Variants in KCNN2 observed in about 807,000 individuals in gnomAD.
KCNN2 encodes small conductance calcium-activated potassium channel protein 2.
Under a neutral mutation model 55.5 loss-of-function variants are expected in KCNN2, and 24 were observed. The observed-to-expected ratio is 0.43, with a 90% CI of 0.31 to 0.61. The LOEUF is 0.61. Ranked by LOEUF, KCNN2 falls within the 20% of genes least tolerant of loss-of-function variation. KCNN2 has a pLI of 0.08. For synonymous variants in KCNN2, 431 were observed against 336.1 expected, an observed-to-expected ratio of 1.28 and a Z score of -3.09; for missense variants, 754 against 853.6, an observed-to-expected ratio of 0.88 and a Z score of 1.45.
In KCNN2 at chr5:114,295,749, C is replaced by T. The variant is rs138997353; in HGVS notation, c.-184-65196C>T. Among the ~76,000 whole-genome samples, 713 of 152,212 alleles carry T rather than the reference C, an allele frequency of 4.7e-3. 9 individuals carry two copies. Among genetic ancestry groups the T allele is most frequent in the African/African-American group, 0.016 (667 of 41,546 alleles). On this transcript the variant is annotated intron_variant, in intron 2 of 10. Coordinates refer to the KCNN2 transcript ENST00000512097. ...CTGGCACTCCCTAGTGAGATGAACC[C>T]GGTACCTTAGATGGAAATGCAGAAA... is the stretch of plus-strand genomic sequence containing the variant.
In KCNN2 at chr5:114,373,640, T is replaced by TTTTATATATATATATATATATATATATA. The variant is rs536849367; in HGVS notation, c.1218+9640_1218+9641insTTATATATATATATATATATATATATAT. 2.8e-4 allele frequency among the ~76,000 whole-genome samples: 16 copies of TTTTATATATATATATATATATATATATA among 56,716 alleles called. 2 individuals are homozygous for TTTTATATATATATATATATATATATATA. Among genetic ancestry groups the TTTTATATATATATATATATATATATATA allele is most frequent in the African/African-American group, 7.9e-4 (15 of 19,012 alleles). The allele number at this position is 56,716 out of a possible 152,430, so 37.2% of individuals were successfully genotyped here. ...CTCTCATGGTGTTGTTATGAAGATTTTATATATATATATATATAAAATTAC... is the reference window on the plus strand; with the variant it reads ...CTCTCATGGTGTTGTTATGAAGATTTTTTATATATATATATATATATATATATATATATATATATATATATAAAATTAC... On this transcript the variant is annotated intron_variant, in intron 2 of 7. Coordinates refer to ENST00000673685, the MANE Select transcript of KCNN2 (RefSeq NM_021614.4).
intron 2 of KCNN2, among the ~76,000 whole-genome samples, chr5:114,292,622 G>A (rs1755919035): frequency 6.6e-6 from 1 of 152,156 alleles, no homozygotes; most frequent in Non-Finnish European, 1.5e-5. Flanking sequence ...AAGTCAGGTA[G>A]CGTGATGCTT....
chr5:114,171,403 G>A (rs758379296), intron 1 of KCNN2, among the ~76,000 whole-genome samples: 6 of 151,824 alleles, frequency 4.0e-5, no homozygotes, highest in Non-Finnish European at 8.8e-5. Flanking sequence ...TATCAATATT[G>A]TTCCTTTGGC....
At chr5:114,465,133 C>T (rs1262280020) in intron 4 of KCNN2, among the ~76,000 whole-genome samples, 1 of 152,202 alleles carries the variant, frequency 6.6e-6, no homozygotes, top group Non-Finnish European at 1.5e-5. Context: ...GCCATGGAAT[C>T]TGAGCCAAAT....
chr5:114,372,312 G>A (rs779378283), intron 2 of KCNN2, among the ~76,000 whole-genome samples: 1 of 152,164 alleles, frequency 6.6e-6, no homozygotes, highest in African/African-American at 2.4e-5. Flanking sequence ...GAGTTTAGAA[G>A]TAGGCCCTTT....
At position 114,362,957 on chromosome 5, in the gene KCNN2, C is replaced by T; in HGVS notation, c.818C>T (p.Ser273Phe). 1.3e-6 allele frequency: 2 copies of T among 1,588,608 alleles called. No individual in the cohort carries two copies. Among genetic ancestry groups the T allele is most frequent in the Non-Finnish European group, 8.5e-7 (1 of 1,174,214 alleles). Residue 273 changes from serine to phenylalanine, a missense_variant, in exon 1 of 8, where the codon TCC becomes TTC. Ser to Phe is a radical substitution (Grantham distance 155). Around this residue, in one of 4 missense-constraint regions of KCNN2, gnomAD observed 381 missense variants for 259.1 expected, o/e 1.47. Coordinates refer to ENST00000673685, the MANE Select transcript of KCNN2 (RefSeq NM_021614.4). Reference sequence around the variant, plus strand: ...GCTGCCGCCGCCGCCGCTGTTTCGTCCTCAGCCCCCGAGATCGTGGTGTCT... The same window carrying T: ...GCTGCCGCCGCCGCCGCTGTTTCGTTCTCAGCCCCCGAGATCGTGGTGTCT... ...AAAAAAAAVSSSAPEIVVSKP... is the reference protein window; with the variant it reads ...AAAAAAAAVSFSAPEIVVSKP...
chr5:114,060,050 C>T (rs1750294279), intron 1 of KCNN2, among the ~76,000 whole-genome samples: 1 of 152,260 alleles, frequency 6.6e-6, no homozygotes, highest in African/African-American at 2.4e-5. Context: ...CCTAGCCCCA[C>T]AGTACCTCAG....
intron 1 of KCNN2, among the ~76,000 whole-genome samples, chr5:114,155,906 T>C (rs1752623397): frequency 6.6e-6 from 1 of 152,228 alleles, no homozygotes; most frequent in African/African-American, 2.4e-5. Flanking sequence ...TTGTCAATTT[T>C]TGCTTTTGTT....
chr5:114,345,603 A>C (rs1757091304), intron 2 of KCNN2, among the ~76,000 whole-genome samples: 1 of 145,974 alleles, frequency 6.9e-6, no homozygotes, highest in Admixed American at 6.7e-5. Context: ...AACCGATCTA[A>C]CTAACTTTGG....
In KCNN2 at chr5:114,463,033, G is replaced by A. The variant is rs771543191; in HGVS notation, c.1638-16G>A. The A allele has an allele frequency of 6.2e-7, 1 of 1,609,666 alleles. No individual in the cohort carries two copies. The highest frequency in any genetic ancestry group is 1.7e-5 in the Admixed American group (1 of 59,376). ...AGATTAATTATAAAGGACTGGTTTT[G>A]TTTGCTGTTTTTCAGGTACCATGAT... On this transcript the variant is annotated splice_polypyrimidine_tract_variant and intron_variant, in intron 3 of 7. Transcript: ENST00000673685.
At chr5:114,306,706 T>TTC (rs1561564119) in intron 2 of KCNN2, among the ~76,000 whole-genome samples, 92 of 145,784 alleles carry the variant, frequency 6.3e-4, no homozygotes, top group Middle Eastern at 3.4e-3. Flanking sequence ...TTTTCTTTTT[T>TTC]TTTTTTTTTT....
In KCNN2 at chr5:114,422,803, GA is replaced by G. The variant is rs149484229; in HGVS notation, c.1637+17948del. Among the ~76,000 whole-genome samples the G allele has an allele frequency of 2.2e-4, 34 of 152,268 alleles. 1 individual carries two copies. In the East Asian group the frequency reaches 6.6e-3, roughly 29 times the overall value. ...AGACCATCGTCAGAGACTCATAGAT[GA>G]CTGACACTAATCTGACTGGAACTTC... is the stretch of plus-strand genomic sequence containing the variant. On this transcript the variant is annotated intron_variant, in intron 3 of 7. Transcript: ENST00000673685.
intron 3 of KCNN2, among the ~76,000 whole-genome samples, chr5:114,461,291 T>C (rs1167400257): frequency 6.6e-6 from 1 of 152,138 alleles, no homozygotes; most frequent in African/African-American, 2.4e-5. Context: ...CTTTTGACAA[T>C]GACAGCCTCT....
chr5:114,253,064 A>C (rs1754905147), intron 2 of KCNN2, among the ~76,000 whole-genome samples: 1 of 151,662 alleles, frequency 6.6e-6, no homozygotes, highest in South Asian at 2.1e-4. Flanking sequence ...CTTTCTGTAC[A>C]TCTAAAGTTG....
At chr5:114,445,222 G>C (rs1760357941) in intron 3 of KCNN2, among the ~76,000 whole-genome samples, 1 of 152,122 alleles carries the variant, frequency 6.6e-6, no homozygotes, top group Non-Finnish European at 1.5e-5. Flanking sequence ...TTCAGGATAA[G>C]CACCTTTTAT....
At chr5:114,409,182 C>T (rs145643399) in intron 3 of KCNN2, among the ~76,000 whole-genome samples, 49 of 152,034 alleles carry the variant, frequency 3.2e-4, no homozygotes, top group African/African-American at 1.1e-3. Flanking sequence ...TTCTTCCCAA[C>T]GTAACGTTTT....
chr5:114,100,597 AGT>A (rs909455039), intron 1 of KCNN2, among the ~76,000 whole-genome samples: 1 of 151,910 alleles, frequency 6.6e-6, no homozygotes, highest in Non-Finnish European at 1.5e-5. Flanking sequence ...TGTGTTTATG[AGT>A]GTGTGTATGT....
intron 2 of KCNN2, among the ~76,000 whole-genome samples, chr5:114,370,974 G>GAGAA (rs1757746786): frequency 1.3e-5 from 2 of 151,774 alleles, no homozygotes; most frequent in East Asian, 1.9e-4. Flanking sequence ...GATTCATAGA[G>GAGAA]ATGATGCTCA....
intron 1 of KCNN2, among the ~76,000 whole-genome samples, chr5:114,145,869 A>T (rs550569248): frequency 9.2e-5 from 14 of 152,206 alleles, no homozygotes; most frequent in Non-Finnish European, 1.5e-4. Context: ...GTTGTTTAGG[A>T]TGGCTGACTG....
Sources: gnomAD v4.1 joint callset for allele counts (sites outside exome capture counted in the v4.1 genomes callset) on GRCh38, gnomAD v4.1.1 for gene constraint, gnomAD v4.1.1 regional missense constraint, MANE v1.5 for transcripts, NCBI Gene and HGNC (gene_info 2026-07-23, HGNC 2026-07-21) for gene names.